The following PTPRA variants were observed in gnomAD, a reference collection of about 807,000 sequenced individuals.
PTPRA encodes receptor-type tyrosine-protein phosphatase alpha.
PTPRA carries 25 observed loss-of-function variants against 104.8 expected under a neutral mutation model. The observed-to-expected ratio is 0.24, with a 90% CI of 0.17 to 0.33. The LOEUF is 0.33. PTPRA is among the 10% of genes least tolerant of loss of function. The pLI, the probability that PTPRA is intolerant of heterozygous loss-of-function variation, is 1.00. For synonymous variants in PTPRA, 323 were observed against 368.9 expected (o/e 0.88, Z 1.43); for missense variants, 765 against 1,015.3 (o/e 0.75, Z 3.35).
At chr20:2,907,866 G>A (rs184944366) in intron 1 of PTPRA, among the ~76,000 whole-genome samples, 2 of 151,614 alleles carry the variant, frequency 1.3e-5, no homozygotes, top group African/African-American at 2.4e-5. Context: ...GACTTTTAGA[G>A]CAAATGATTT....
chr20:2,941,879 C>T (rs1048157581), intron 2 of PTPRA, among the ~76,000 whole-genome samples: 1 of 152,144 alleles, frequency 6.6e-6, no homozygotes, highest in Non-Finnish European at 1.5e-5. Flanking sequence ...GCTGAGCTCC[C>T]TGACTAGGTC....
intron 2 of PTPRA, among the ~76,000 whole-genome samples, chr20:2,943,936 AC>A (rs1450667786): frequency 6.6e-6 from 1 of 152,126 alleles, no homozygotes; most frequent in Non-Finnish European, 1.5e-5. Flanking sequence ...GCCTAGCAAA[AC>A]ATCCCCAAAT....
chr20:2,875,349 C>T (rs1008708589), intron 1 of PTPRA, among the ~76,000 whole-genome samples: 4 of 152,196 alleles, frequency 2.6e-5, no homozygotes, highest in Non-Finnish European at 4.4e-5. Context: ...AGTCTCTTTT[C>T]ACCTCTGCCT....
At chr20:2,871,522 A>C (rs2089427835), upstream of PTPRA, among the ~76,000 whole-genome samples, 1 of 152,242 alleles carries the variant, frequency 6.6e-6, no homozygotes, top group African/African-American at 2.4e-5. Flanking sequence ...GTAAAAAAAA[A>C]CTAATCAACA....
At chr20:2,962,871 T>TC (rs576320273) in intron 3 of PTPRA, among the ~76,000 whole-genome samples, 11 of 152,062 alleles carry the variant, frequency 7.2e-5, no homozygotes, top group East Asian at 1.9e-4. Flanking sequence ...CTCCTTCTCT[T>TC]CCCCCCCTAC....
intron 9 of PTPRA, among the ~76,000 whole-genome samples, chr20:2,989,010 A>G (rs532705526): frequency 8.5e-5 from 13 of 152,370 alleles, no homozygotes; most frequent in African/African-American, 2.6e-4. Flanking sequence ...AATGACGACC[A>G]TGGGAGACTG....
At chr20:2,883,469 G>A (rs529488200) in intron 1 of PTPRA, among the ~76,000 whole-genome samples, 485 of 32,388 alleles carry the variant, frequency 0.015, 157 homozygotes, top group Admixed American at 0.038. Context: ...TGGCTAACAC[G>A]GTGAAACCCC....
At chr20:3,014,972 T>A (rs1488520423) in intron 11 of PTPRA, among the ~76,000 whole-genome samples, 1 of 152,232 alleles carries the variant, frequency 6.6e-6, no homozygotes, top group African/African-American at 2.4e-5. Flanking sequence ...GCTCCTTATC[T>A]GTTGAGTGGC....
chr20:2,869,979 T>A (rs112869104), upstream of PTPRA, among the ~76,000 whole-genome samples: 10,949 of 149,324 alleles, frequency 0.073, 537 homozygotes, highest in East Asian at 0.12. Context: ...GTCTTAAAAA[T>A]ATATATATAT....
intron 6 of PTPRA, among the ~76,000 whole-genome samples, chr20:2,980,110 CTA>C (rs2062609248): frequency 6.6e-6 from 1 of 151,320 alleles, no homozygotes. Context: ...TGGGGTTTCT[CTA>C]TGTTGGTCAG....
At chr20:2,999,541 G>A (rs1049743406) in intron 9 of PTPRA, among the ~76,000 whole-genome samples, 18 of 152,322 alleles carry the variant, frequency 1.2e-4, no homozygotes, top group African/African-American at 3.8e-4. Flanking sequence ...AAAGAGCCCA[G>A]AAGCAGATCC....
chr20:2,965,629 G>A (rs1260588001), intron 5 of PTPRA, among the ~76,000 whole-genome samples: 1 of 152,168 alleles, frequency 6.6e-6, no homozygotes, highest in Non-Finnish European at 1.5e-5. Context: ...GAGATACAGA[G>A]AATGAGTAAT....
At chr20:2,972,184 A>C (rs1421658486) in intron 5 of PTPRA, among the ~76,000 whole-genome samples, 1 of 151,758 alleles carries the variant, frequency 6.6e-6, no homozygotes, top group African/African-American at 2.4e-5. Flanking sequence ...TAATTCTTTA[A>C]TCTTCTTAAT....
chr20:2,976,775 T>C (rs1337493151), intron 6 of PTPRA, among the ~76,000 whole-genome samples: 3 of 152,238 alleles, frequency 2.0e-5, no homozygotes, highest in African/African-American at 7.2e-5. Context: ...TGTTTGGAAA[T>C]GCTTGTATTA....
chr20:2,937,127 C>CT (rs5839977), intron 2 of PTPRA, among the ~76,000 whole-genome samples: 83,794 of 136,828 alleles, frequency 0.61, 26,293 homozygotes, highest in East Asian at 0.84. Flanking sequence ...CTTTCTTCTT[C>CT]TTTTTTTTTT....
chr20:2,953,669 G>A (rs1254722999), intron 3 of PTPRA, among the ~76,000 whole-genome samples: 5 of 150,580 alleles, frequency 3.3e-5, no homozygotes, highest in Admixed American at 6.6e-5. Context: ...GTGTAGTGAC[G>A]TGATCTCGGC....
rs2148146134 is a variant in PTPRA, at chr20:2,988,333, T to C, written c.602-5T>C. 6.3e-7 allele frequency: 1 copy of C among 1,589,234 alleles called. No individual in the cohort carries two copies. The highest frequency in any genetic ancestry group is 8.5e-7 in the Non-Finnish European group (1 of 1,173,484). On this transcript the variant is annotated splice_region_variant and splice_polypyrimidine_tract_variant and intron_variant, in intron 8 of 23. Coordinates refer to ENST00000399903, the MANE Select transcript of PTPRA (RefSeq NM_001385305.1). Reference sequence around the variant, plus strand: ...CTGACTGACCTTCTCCCTTGTGTACTGCAGAGCCCCAGAGTGTGCCACTTC... The same window carrying C: ...CTGACTGACCTTCTCCCTTGTGTACCGCAGAGCCCCAGAGTGTGCCACTTC...
chr20:3,037,102 C>G lies in PTPRA; in HGVS notation c.2199-52C>G. On this transcript the variant is annotated intron_variant, in intron 22 of 23. Coordinates refer to ENST00000399903, the MANE Select transcript of PTPRA (RefSeq NM_001385305.1). The surrounding 1 kb of genome is among the most constrained non-coding windows in gnomAD (Gnocchi z 4.3). ...TGCCACTCACCACTGTCACTCACCC[C>G]CTTGCACAGAGGGCCATCACAGGTG... 10 of 1,598,512 alleles carry G rather than the reference C, an allele frequency of 6.3e-6. No homozygotes were observed. Among genetic ancestry groups the G allele is most frequent in the Non-Finnish European group, 7.7e-6 (9 of 1,171,924 alleles).
chr20:2,907,401 CT>C, intron 1 of PTPRA, among the ~76,000 whole-genome samples: 1 of 151,978 alleles, frequency 6.6e-6, no homozygotes, highest in East Asian at 1.9e-4. Flanking sequence ...GCTTCTGTTT[CT>C]GACAATGGTT....
Sources: allele counts gnomAD v4.1 joint callset (sites outside exome capture counted in the v4.1 genomes callset), GRCh38; gene constraint gnomAD v4.1.1; non-coding constraint Gnocchi (gnomAD v3.1); transcripts MANE v1.5; gene names NCBI Gene and HGNC (gene_info 2026-07-23, HGNC 2026-07-21).